Variants in PCDHA3 observed in about 807,000 individuals in gnomAD.
PCDHA3 encodes the protein protocadherin alpha-3.
Under a neutral mutation model 62.2 loss-of-function variants are expected in PCDHA3, and 41 were observed. The ratio of observed to expected loss-of-function variants is 0.66; its 90% confidence interval spans 0.51 to 0.86. The LOEUF is 0.86. Among genes scored for constraint, PCDHA3 ranks in the 40% least tolerant of loss-of-function variants. PCDHA3 has a pLI of 0.00. For missense variants in PCDHA3, 1,304 were observed against 1,241.2 expected (o/e 1.05, Z -0.76); for synonymous variants, 640 against 555.4 (o/e 1.15, Z -2.14).
rs2150348656 is a variant in PCDHA3, at chr5:140,842,958, G to A, written c.2394+39367G>A. On this transcript the variant is annotated intron_variant, in intron 1 of 3. Transcript: ENST00000522353. ...CGCGACGCGGGCGTGCCGCCTCTGG[G>A]CAGCAACGTGACGCTGCAGGTGTTC... 1.4e-5 allele frequency: 22 copies of A among 1,594,922 alleles called. 1 individual carries two copies. The South Asian group carries it at 2.2e-4, about 16-fold the overall frequency.
intron 1 of PCDHA3, chr5:140,804,944 C>T: frequency 8.0e-7 from 1 of 1,253,952 alleles, no homozygotes; most frequent in Non-Finnish European, 1.1e-6. Flanking sequence ...TTGTTGCTCC[C>T]TTGTCCATGA....
At chr5:140,823,022 G>A (rs2150121386) in intron 1 of PCDHA3, 8 of 1,614,116 alleles carry the variant, frequency 5.0e-6, no homozygotes, top group Non-Finnish European at 5.9e-6. Context: ...GACCGCGAGA[G>A]CGTGTCGGTC....
chr5:140,916,747 G>A (rs1445361224), intron 1 of PCDHA3, among the ~76,000 whole-genome samples: 1 of 152,220 alleles, frequency 6.6e-6, no homozygotes, highest in Non-Finnish European at 1.5e-5. Context: ...TTCACTGCCT[G>A]GGATTAGGGG....
At chr5:140,808,898 G>C in intron 1 of PCDHA3, 1 of 1,613,480 alleles carries the variant, frequency 6.2e-7, no homozygotes, top group African/African-American at 1.3e-5. Context: ...GCCTCGGGCG[G>C]GTGGCACTGG....
At chr5:140,840,542 A>G (rs1776756307) in intron 1 of PCDHA3, among the ~76,000 whole-genome samples, 1 of 152,060 alleles carries the variant, frequency 6.6e-6, no homozygotes, top group South Asian at 2.1e-4. Context: ...TAACAAGCCA[A>G]TGATGGCAAT....
chr5:140,820,792 A>AGGT (rs1264996305), intron 1 of PCDHA3, among the ~76,000 whole-genome samples: 1 of 152,112 alleles, frequency 6.6e-6, no homozygotes, highest in Non-Finnish European at 1.5e-5. Context: ...GTAAGTACAA[A>AGGT]GGTATGTATT....
Position 140,871,268 on chromosome 5 carries a change from G to T in PCDHA3, c.2394+67677G>T, listed in dbSNP as rs368729446. ...CTGCTGCTGTATACGGCGCTGTGGTGGTCGGCAACGCCCACTGAGGGCGCG... is the reference window on the plus strand; with the variant it reads ...CTGCTGCTGTATACGGCGCTGTGGTTGTCGGCAACGCCCACTGAGGGCGCG... On this transcript the variant is annotated intron_variant, in intron 1 of 3. Transcript: ENST00000522353. 53 of 1,613,850 alleles carry T rather than the reference G, an allele frequency of 3.3e-5. No homozygotes were observed. The African/African-American group carries it at 6.7e-4, about 20-fold the overall frequency.
chr5:140,963,529 C>T (rs1332936829), intron 1 of PCDHA3, among the ~76,000 whole-genome samples: 1 of 152,176 alleles, frequency 6.6e-6, no homozygotes, highest in Non-Finnish European at 1.5e-5. Flanking sequence ...ACAGAAGTCC[C>T]ATTTACTTCA....
intron 1 of PCDHA3, among the ~76,000 whole-genome samples, chr5:140,958,381 T>G (rs1554223451): frequency 6.6e-6 from 1 of 152,280 alleles, no homozygotes; most frequent in South Asian, 2.1e-4. Context: ...GCTATTTTCT[T>G]AACAGGTCAT....
chr5:140,943,603 G>A (rs1554215788), intron 1 of PCDHA3, among the ~76,000 whole-genome samples: 1 of 152,100 alleles, frequency 6.6e-6, no homozygotes, highest in African/African-American at 2.4e-5. Context: ...TCTAAATATA[G>A]ACTTTGATTC....
rs781834509 is a variant in PCDHA3 at position 140,808,626 on chromosome 5, G to A, written c.2394+5035G>A. On this transcript the variant is annotated intron_variant, in intron 1 of 3. Transcript: ENST00000522353. ...TGCCACATCTTCACTGTGTCTGCGT[G>A]GGACGCGGACGCGCAGGAGAACGCG... 9.3e-6 allele frequency: 15 copies of A among 1,613,580 alleles called. No homozygotes were observed. In the Admixed American group the frequency reaches 1.0e-4, roughly 11 times the overall value.
At chr5:140,863,176 A>G (rs199525571) in intron 1 of PCDHA3, 25 of 723,868 alleles carry the variant, frequency 3.5e-5, no homozygotes, top group South Asian at 2.0e-4. Flanking sequence ...GCTGACTGCC[A>G]CCGTCACCGT....
intron 1 of PCDHA3, among the ~76,000 whole-genome samples, chr5:140,891,795 A>T (rs2063252569): frequency 6.6e-6 from 1 of 152,178 alleles, no homozygotes; most frequent in South Asian, 2.1e-4. Flanking sequence ...ATTATGAGGG[A>T]TCTGCCCTCA....
intron 1 of PCDHA3, among the ~76,000 whole-genome samples, chr5:140,924,578 T>C (rs80037494): frequency 0.013 from 2,025 of 152,202 alleles, 55 homozygotes; most frequent in Admixed American, 0.052. Flanking sequence ...TTAAATGTTT[T>C]CAAATATTAT....
At position 140,802,244 on chromosome 5, in the gene PCDHA3, G is replaced by A. The variant is rs782339533; in HGVS notation, c.1047G>A (p.Glu349=). 2.5e-6 allele frequency: 4 copies of A among 1,614,238 alleles called. No homozygotes were observed. In the East Asian group the frequency reaches 8.9e-5, roughly 36 times the overall value. Residue 349 remains glutamate (E), a synonymous_variant, in exon 1 of 4, where the codon GAG becomes GAA. Coordinates refer to ENST00000522353, the MANE Select transcript of PCDHA3 (RefSeq NM_018906.3). ...TGGACATCAATGATAATGTACCTGA[G>A]TTAGTTATTCAATCACTATCTTTAC... The part of the protein sequence containing the change: ...EIVDINDNVP[E]LVIQSLSLPV...
chr5:140,801,871 C>T lies in PCDHA3; in HGVS notation c.674C>T (p.Thr225Met), dbSNP rs375984847. The change falls in exon 1 of 4, where the codon ACG (threonine) becomes ATG (methionine). Residue 225 changes from threonine (T) to methionine (M), a missense_variant. Physicochemically the swap from Thr to Met is moderately conservative, Grantham distance 81. Transcript: ENST00000522353. Reference sequence around the variant, plus strand: ...GGTGGGAAACCAGAGCTCACTGGCACGACTCAACTAAAGATCACTGTTTTA... The same window carrying T: ...GGTGGGAAACCAGAGCTCACTGGCATGACTCAACTAAAGATCACTGTTTTA... ...IDGGKPELTG[T>M]TQLKITVLDV... The T allele has an allele frequency of 1.2e-6, 2 of 1,614,084 alleles. No individual in the cohort carries two copies. The highest frequency in any genetic ancestry group is 1.7e-6 in the Non-Finnish European group (2 of 1,180,040).
At position 141,001,667 on chromosome 5, in the gene PCDHA3, A is replaced by G. The variant is rs949508860; in HGVS notation, c.2543-7960A>G. ...GTGTGGGAGAAGGCGGAGCTTGTCC[A>G]GTCGGTCCAACAAACCCCACAGATG... is the stretch of plus-strand genomic sequence containing the variant. On this transcript the variant is annotated intron_variant, in intron 3 of 3. Coordinates refer to ENST00000522353, the MANE Select transcript of PCDHA3 (RefSeq NM_018906.3). Among the ~76,000 whole-genome samples, 9 of 152,268 alleles carry G rather than the reference A, an allele frequency of 5.9e-5. 1 individual carries two copies. In the East Asian group the frequency reaches 1.7e-3, roughly 29 times the overall value.
chr5:140,879,390 A>T (rs2057972127), intron 1 of PCDHA3, among the ~76,000 whole-genome samples: 1 of 152,202 alleles, frequency 6.6e-6, no homozygotes, highest in Admixed American at 6.5e-5. Context: ...TTGGAGAAAC[A>T]GTTTGTGTGT....
At chr5:140,860,617 A>G (rs2046479685) in intron 1 of PCDHA3, 1 of 152,238 alleles carries the variant, frequency 6.6e-6, no homozygotes, top group Non-Finnish European at 1.5e-5. Context: ...GAGAAACATA[A>G]ACATATGCAG....
Sources: gnomAD v4.1 joint callset for allele counts (sites outside exome capture counted in the v4.1 genomes callset) on GRCh38, gnomAD v4.1.1 for gene constraint, MANE v1.5 for transcripts, NCBI Gene and HGNC (gene_info 2026-07-23, HGNC 2026-07-21) for gene names.